Variants in GAS7 observed in about 807,000 individuals in gnomAD.
GAS7 encodes growth arrest-specific protein 7.
In GAS7, 28 loss-of-function variants were observed where a neutral mutation model predicts 71.1. That is an observed-to-expected ratio of 0.39 (90% CI 0.29 to 0.54). The LOEUF (loss-of-function observed/expected upper bound fraction) is 0.54. GAS7 is among the 20% of genes least tolerant of loss of function. The pLI, the probability that GAS7 is intolerant of heterozygous loss-of-function variation, is 0.62. For synonymous variants in GAS7, 258 were observed against 245.8 expected, an observed-to-expected ratio of 1.05 and a Z score of -0.46; for missense variants, 436 against 627.8, an observed-to-expected ratio of 0.69 and a Z score of 3.27.
At position 9,926,913 on chromosome 17, in the gene GAS7, A is replaced by C. The variant is rs2068023832; in HGVS notation, c.886-144T>G. 1.3e-6 allele frequency: 1 copy of C among 763,162 alleles called. No individual in the cohort carries two copies. Among genetic ancestry groups the C allele is most frequent in the African/African-American group, 1.7e-5 (1 of 57,964 alleles). The allele number at this position is 763,162 out of a possible 1,614,324, so 47.3% of individuals were successfully genotyped here. A position where few individuals can be genotyped will look rare whatever the true frequency, so the allele number is the denominator to read the frequency against. ...TAGCGACCTGGCAGGAAGGTGAGAG[A>C]CACCCCCTGACACGTGGCTGCCTAT... On this transcript the variant is annotated intron_variant, in intron 9 of 13. Coordinates refer to ENST00000432992, the MANE Select transcript of GAS7 (RefSeq NM_201433.2). This position sits in a 1 kb window ranked among gnomAD's most constrained non-coding sequence, Gnocchi z 5.0.
At chr17:10,018,979 C>A (rs1018016112) in intron 2 of GAS7, among the ~76,000 whole-genome samples, 1 of 152,174 alleles carries the variant, frequency 6.6e-6, no homozygotes, top group African/African-American at 2.4e-5. Flanking sequence ...GAGGTCAAGA[C>A]ACAGCTCTGT....
At chr17:10,049,045 G>A (rs2073023713) in intron 1 of GAS7, among the ~76,000 whole-genome samples, 1 of 152,192 alleles carries the variant, frequency 6.6e-6, no homozygotes, top group African/African-American at 2.4e-5. Context: ...CCATGTGTGA[G>A]GAGCACGCAT....
rs951569085 is a variant in GAS7, at chr17:9,974,634, C to T, written c.386-4872G>A. Among the ~76,000 whole-genome samples the T allele has an allele frequency of 6.6e-6, 1 of 152,096 alleles. No individual in the cohort carries two copies. Among genetic ancestry groups the T allele is most frequent in the Non-Finnish European group, 1.5e-5 (1 of 68,022 alleles). Reference sequence around the variant, plus strand: ...AATATAAATAATACACACAGGCACCCACACACTTCATTTCCCTTATAGGCA... The same window carrying T: ...AATATAAATAATACACACAGGCACCTACACACTTCATTTCCCTTATAGGCA... On this transcript the variant is annotated intron_variant, in intron 3 of 13. Coordinates refer to ENST00000432992, the MANE Select transcript of GAS7 (RefSeq NM_201433.2). This position sits in a 1 kb window ranked among gnomAD's most constrained non-coding sequence, Gnocchi z 4.0.
intron 1 of GAS7, among the ~76,000 whole-genome samples, chr17:10,046,949 C>G (rs1446587538): frequency 1.3e-5 from 2 of 151,448 alleles, no homozygotes; most frequent in East Asian, 3.9e-4. Flanking sequence ...GACTTCACAC[C>G]TTCACCACTC....
chr17:9,943,624 T>C (rs989819483), intron 6 of GAS7, among the ~76,000 whole-genome samples: 2 of 152,200 alleles, frequency 1.3e-5, no homozygotes, highest in African/African-American at 2.4e-5. Flanking sequence ...AGCTGGACTA[T>C]GTGTGAGCTC....
intron 2 of GAS7, among the ~76,000 whole-genome samples, chr17:9,992,274 C>A (rs906375644): frequency 6.6e-6 from 1 of 152,066 alleles, no homozygotes; most frequent in East Asian, 1.9e-4. Flanking sequence ...GTTACCCCAA[C>A]CTTCTAAGAG....
rs1337165035 is a variant in GAS7, at chr17:9,913,909, G to T, written c.*3319C>A. Reference sequence around the variant, plus strand: ...GTCTCCTGGGTGGAGGCAGGTAGAAGGGGCTGACTTGTTCTCAGAAATGGA... The same window carrying T: ...GTCTCCTGGGTGGAGGCAGGTAGAATGGGCTGACTTGTTCTCAGAAATGGA... On this transcript the variant is annotated 3_prime_UTR_variant, in exon 14 of 14. Coordinates refer to ENST00000432992, the MANE Select transcript of GAS7 (RefSeq NM_201433.2). The T allele has an allele frequency of 4.3e-6, 1 of 232,100 alleles. No homozygotes were observed. Among genetic ancestry groups the T allele is most frequent in the Non-Finnish European group, 8.5e-6 (1 of 117,460 alleles). The allele number at this position is 232,100 out of a possible 1,614,324, so 14.4% of individuals were successfully genotyped here.
At chr17:10,095,004 C>A (rs1279833699) in intron 1 of GAS7, among the ~76,000 whole-genome samples, 1 of 152,146 alleles carries the variant, frequency 6.6e-6, no homozygotes, top group Non-Finnish European at 1.5e-5. Context: ...CAGATCGCCA[C>A]ATGCAATCTT....
intron 1 of GAS7, among the ~76,000 whole-genome samples, chr17:10,152,363 C>T (rs7207610): frequency 0.19 from 29,130 of 152,158 alleles, 3,076 homozygotes; most frequent in African/African-American, 0.26. Context: ...TGCTCAGCAC[C>T]GTCTAAGGCA....
rs575804987 is a variant in GAS7, at chr17:10,056,862, G to A, written c.184-36965C>T. 2.1e-3 allele frequency among the ~76,000 whole-genome samples: 316 copies of A among 151,986 alleles called. 1 individual carries two copies. The highest frequency in any genetic ancestry group is 5.4e-3 in the Admixed American group (82 of 15,278). On this transcript the variant is annotated intron_variant, in intron 1 of 13. Coordinates refer to ENST00000432992, the MANE Select transcript of GAS7 (RefSeq NM_201433.2). ...CGAGCCGAAGCTAGACTGTACTGCC[G>A]CCATCTCGACTCACTGCAACCTCCC...
intron 1 of GAS7, among the ~76,000 whole-genome samples, chr17:10,053,790 C>T (rs1182885447): frequency 6.6e-6 from 1 of 152,186 alleles, no homozygotes; most frequent in Non-Finnish European, 1.5e-5. Context: ...TAGGGAGCCT[C>T]ACCTCTCTCC....
intron 1 of GAS7, among the ~76,000 whole-genome samples, chr17:10,095,801 CAAAA>C (rs58811317): frequency 1.8e-5 from 2 of 110,104 alleles, no homozygotes; most frequent in African/African-American, 3.4e-5. Context: ...GACTCCATCT[CAAAA>C]AAAAAAAAAA....
At chr17:10,003,190 G>A (rs1041555085) in intron 2 of GAS7, among the ~76,000 whole-genome samples, 2 of 152,174 alleles carry the variant, frequency 1.3e-5, no homozygotes, top group Admixed American at 6.5e-5. Context: ...TTGATCTGGG[G>A]ATGAGAAAGT....
intron 4 of GAS7, among the ~76,000 whole-genome samples, chr17:9,962,001 C>T (rs766326989): frequency 6.6e-6 from 1 of 152,188 alleles, no homozygotes; most frequent in Admixed American, 6.5e-5. Context: ...TAAGGCTTGA[C>T]GCAGAGGTCG....
At chr17:9,937,904 GT>G (rs530438431) in intron 8 of GAS7, among the ~76,000 whole-genome samples, 15 of 151,366 alleles carry the variant, frequency 9.9e-5, no homozygotes, top group Non-Finnish European at 2.9e-5. Context: ...GAGTCTTTCT[GT>G]TTTTTTTTAC....
Position 9,980,885 on chromosome 17 carries a change from C to T in GAS7, c.385+919G>A, listed in dbSNP as rs146843633. ...AGGAGGTGACATTTTTAAAAAGCCA[C>T]ATGAAAGGAGATGTTGTTCTCCCTG... On this transcript the variant is annotated intron_variant, in intron 3 of 13. Coordinates refer to ENST00000432992, the MANE Select transcript of GAS7 (RefSeq NM_201433.2). 4.3e-3 allele frequency among the ~76,000 whole-genome samples: 656 copies of T among 152,296 alleles called. 3 individuals are homozygous for T. The highest frequency in any genetic ancestry group is 7.7e-3 in the Non-Finnish European group (524 of 68,030).
chr17:10,090,151 A>G (rs1214192961), intron 1 of GAS7, among the ~76,000 whole-genome samples: 4 of 149,578 alleles, frequency 2.7e-5, no homozygotes, highest in African/African-American at 1.0e-4. Flanking sequence ...CCTCGGCAAT[A>G]GAGAGAGACT....
At chr17:10,148,909 CAAAA>C (rs752140645) in intron 1 of GAS7, among the ~76,000 whole-genome samples, 1 of 117,304 alleles carries the variant, frequency 8.5e-6, no homozygotes, top group Non-Finnish European at 1.8e-5. Flanking sequence ...GACTCCGCCT[CAAAA>C]AAAAAAAAAA....
intron 1 of GAS7, among the ~76,000 whole-genome samples, chr17:10,169,560 G>A (rs1272863461): frequency 5.3e-5 from 8 of 152,118 alleles, no homozygotes; most frequent in Admixed American, 2.6e-4. Context: ...TCAATGTCCC[G>A]ATGACTCCAT....
Sources: gnomAD v4.1 joint callset for allele counts (sites outside exome capture counted in the v4.1 genomes callset) on GRCh38, gnomAD v4.1.1 for gene constraint, Gnocchi (gnomAD v3.1) non-coding constraint, MANE v1.5 for transcripts, NCBI Gene and HGNC (gene_info 2026-07-23, HGNC 2026-07-21) for gene names.